The following PLA2G10 variants were observed in gnomAD, a reference collection of about 807,000 sequenced individuals.
PLA2G10 encodes phospholipase A2 group X.
Under a neutral mutation model 7.9 loss-of-function variants are expected in PLA2G10, and 9 were observed. That is an observed-to-expected ratio of 1.14 (90% CI 0.68 to 1.98). The LOEUF (loss-of-function observed/expected upper bound fraction) is 1.98. Among genes scored for constraint, PLA2G10 ranks in the 30% most tolerant of loss-of-function variants. The pLI is 0.00. For missense variants in PLA2G10, 53 were observed against 65.4 expected (o/e 0.81, Z 0.66); for synonymous variants, 19 against 27.5 (o/e 0.69, Z 0.97).
At chr16:14,686,877 G>A (rs1415071514) in intron 3 of PLA2G10, among the ~76,000 whole-genome samples, 2 of 152,052 alleles carry the variant, frequency 1.3e-5, no homozygotes, top group Admixed American at 6.5e-5. Flanking sequence ...AGGCTGAGGC[G>A]GGTGGATCAC....
chr16:14,674,450 T>C (rs978866490), intron 3 of PLA2G10, among the ~76,000 whole-genome samples: 1 of 152,202 alleles, frequency 6.6e-6, no homozygotes, highest in Non-Finnish European at 1.5e-5. Flanking sequence ...ACGCCTGTAA[T>C]CCTAGCACTT....
intron 3 of PLA2G10, among the ~76,000 whole-genome samples, chr16:14,673,639 G>T (rs1393502076): frequency 6.6e-6 from 1 of 152,130 alleles, no homozygotes; most frequent in African/African-American, 2.4e-5. Context: ...AAAGTACTGG[G>T]ATTACAGGCA....
At chr16:14,681,507 G>A (rs1302609077) in intron 3 of PLA2G10, among the ~76,000 whole-genome samples, 3 of 151,932 alleles carry the variant, frequency 2.0e-5, no homozygotes, top group Admixed American at 1.3e-4. Context: ...TCAGGAACCC[G>A]ATGGCATCAC....
At chr16:14,673,242 C>T (rs892181549) in intron 3 of PLA2G10, among the ~76,000 whole-genome samples, 9 of 151,854 alleles carry the variant, frequency 5.9e-5, no homozygotes, top group Non-Finnish European at 7.4e-5. Flanking sequence ...AGGATGGTCT[C>T]GAACTCCTGA....
chr16:14,682,436 A>G (rs1960918630), intron 3 of PLA2G10, among the ~76,000 whole-genome samples: 1 of 152,074 alleles, frequency 6.6e-6, no homozygotes, highest in African/African-American at 2.4e-5. Flanking sequence ...TTAGCTGGGC[A>G]TGGTGGTGTG....
chr16:14,675,782 T>C (rs1349302300), intron 3 of PLA2G10, among the ~76,000 whole-genome samples: 1 of 151,756 alleles, frequency 6.6e-6, no homozygotes, highest in Admixed American at 6.6e-5. Context: ...CTACTAAAAA[T>C]ACAAAAATTA....
intron 3 of PLA2G10, among the ~76,000 whole-genome samples, chr16:14,675,930 C>T (rs1328022691): frequency 1.4e-5 from 1 of 70,182 alleles, no homozygotes; most frequent in African/African-American, 6.2e-5. Flanking sequence ...CAGAGCAAGA[C>T]TCAAAAAAAA....
intron 3 of PLA2G10, among the ~76,000 whole-genome samples, chr16:14,675,272 A>G (rs1013440820): frequency 1.9e-4 from 29 of 152,216 alleles, no homozygotes; most frequent in African/African-American, 6.7e-4. Flanking sequence ...AGAAGAATGA[A>G]ACTGGATCCC....
chr16:14,678,845 G>C, intron 3 of PLA2G10: 1 of 310,988 alleles, frequency 3.2e-6, no homozygotes, highest in East Asian at 1.1e-4. Flanking sequence ...TCTCAGAGAA[G>C]AGCCTCCAAT....
At chr16:14,682,755 T>C (rs1350171967) in intron 3 of PLA2G10, among the ~76,000 whole-genome samples, 1 of 151,724 alleles carries the variant, frequency 6.6e-6, no homozygotes, top group Non-Finnish European at 1.5e-5. Context: ...GAGGAGGAGA[T>C]AGAAGAAAAA....
At chr16:14,685,454 C>T (rs1961028054) in intron 3 of PLA2G10, among the ~76,000 whole-genome samples, 1 of 151,482 alleles carries the variant, frequency 6.6e-6, no homozygotes, top group African/African-American at 2.4e-5. Flanking sequence ...GTGTATGATT[C>T]TATTTATATG....
chr16:14,687,542 C>T (rs1487159490), intron 3 of PLA2G10, among the ~76,000 whole-genome samples: 1 of 152,006 alleles, frequency 6.6e-6, no homozygotes, highest in Non-Finnish European at 1.5e-5. Flanking sequence ...CACTCCTGGC[C>T]TCAAGCGATC....
intron 3 of PLA2G10, among the ~76,000 whole-genome samples, chr16:14,675,241 G>A (rs1960695170): frequency 6.6e-6 from 1 of 151,370 alleles, no homozygotes; most frequent in African/African-American, 2.4e-5. Flanking sequence ...ATAGTACTGG[G>A]AAAACTGAAG....
chr16:14,673,342 T>A (rs548895816), intron 3 of PLA2G10, among the ~76,000 whole-genome samples: 1 of 151,374 alleles, frequency 6.6e-6, no homozygotes, highest in Non-Finnish European at 1.5e-5. Context: ...ACGACTTCAT[T>A]TGGGGATTCC....
chr16:14,681,386 T>G (rs1960888184), intron 3 of PLA2G10, among the ~76,000 whole-genome samples: 1 of 152,020 alleles, frequency 6.6e-6, no homozygotes, highest in Non-Finnish European at 1.5e-5. Flanking sequence ...GGACCAGGAT[T>G]CCAGCCCAGG....
chr16:14,676,641 T>C (rs1960733180), intron 3 of PLA2G10, among the ~76,000 whole-genome samples: 2 of 152,130 alleles, frequency 1.3e-5, no homozygotes, highest in Non-Finnish European at 2.9e-5. Flanking sequence ...ATCACGCCAC[T>C]GCACTCCAAC....
intron 3 of PLA2G10, among the ~76,000 whole-genome samples, chr16:14,684,548 C>T (rs979442322): frequency 2.0e-5 from 3 of 151,822 alleles, no homozygotes; most frequent in Admixed American, 6.6e-5. Flanking sequence ...CACCTGAAAT[C>T]CCAGCTACTC....
At chr16:14,674,683 C>T (rs1020268149) in intron 3 of PLA2G10, among the ~76,000 whole-genome samples, 1 of 150,822 alleles carries the variant, frequency 6.6e-6, no homozygotes, top group Non-Finnish European at 1.5e-5. Flanking sequence ...GCCTGGGTGA[C>T]AGAGAGACTC....
intron 3 of PLA2G10, 64 bp from the exon 4 acceptor site, chr16:14,672,813 A>T: frequency 6.6e-7 from 1 of 1,513,826 alleles, no homozygotes; most frequent in Admixed American, 1.7e-5. Flanking sequence ...GAAACCAGTA[A>T]AGCAAGAGGC....
Sources: gnomAD v4.1 joint callset for allele counts (sites outside exome capture counted in the v4.1 genomes callset) on GRCh38, gnomAD v4.1.1 for gene constraint, MANE v1.5 for transcripts, NCBI Gene and HGNC (gene_info 2026-07-23, HGNC 2026-07-21) for gene names.